Variants in FCHSD2 observed in about 807,000 individuals in gnomAD.
FCHSD2 encodes the protein F-BAR and double SH3 domains protein 2.
In FCHSD2, 38 loss-of-function variants were observed where a neutral mutation model predicts 108.1. That is an observed-to-expected ratio of 0.35 (90% CI 0.27 to 0.46). The LOEUF (loss-of-function observed/expected upper bound fraction) is 0.46, where lower values mean the gene tolerates loss of function less well. Ranked by LOEUF, FCHSD2 falls within the 20% of genes least tolerant of loss-of-function variation. The pLI is 1.00. For missense variants in FCHSD2, 751 were observed against 897.8 expected (o/e 0.84, Z 2.09); for synonymous variants, 279 against 314.7 (o/e 0.89, Z 1.20).
intron 9 of FCHSD2, among the ~76,000 whole-genome samples, chr11:72,918,398 G>C (rs533570910): frequency 9.2e-5 from 14 of 152,082 alleles, no homozygotes; most frequent in African/African-American, 3.4e-4. Flanking sequence ...GAATTGCCCT[G>C]TCTAGGACTT....
intron 3 of FCHSD2, among the ~76,000 whole-genome samples, chr11:73,048,412 T>C (rs1858817811): frequency 6.6e-6 from 1 of 152,244 alleles, no homozygotes; most frequent in Admixed American, 6.5e-5. Context: ...CTTGGTTAGC[T>C]GTGTATGGAC....
chr11:73,097,616 T>C lies in FCHSD2; in HGVS notation c.120-13876A>G, dbSNP rs536870937. 1.9e-3 allele frequency among the ~76,000 whole-genome samples: 242 copies of C among 129,420 alleles called. 2 individuals carry two copies. In the East Asian group the frequency reaches 0.036, roughly 19 times the overall value. The allele number at this position is 129,420 out of a possible 152,430, so 84.9% of individuals were successfully genotyped here. Reference sequence around the variant, plus strand: ...TCCTATTATTTCTTGTGAGGTGTTCTTTTTTTTTTTTTTTTTTCTAATTAC... The same window carrying C: ...TCCTATTATTTCTTGTGAGGTGTTCCTTTTTTTTTTTTTTTTTCTAATTAC... On this transcript the variant is annotated intron_variant, in intron 2 of 19. Transcript: ENST00000409418.
chr11:73,038,528 G>A (rs1230440329), intron 3 of FCHSD2, among the ~76,000 whole-genome samples: 1 of 152,138 alleles, frequency 6.6e-6, no homozygotes, highest in African/African-American at 2.4e-5. Context: ...TGAAAAGAAT[G>A]AAATCTTGTC....
intron 3 of FCHSD2, among the ~76,000 whole-genome samples, chr11:73,017,328 A>C (rs776734498): frequency 2.1e-4 from 32 of 152,346 alleles, no homozygotes; most frequent in Middle Eastern, 3.4e-3. Flanking sequence ...ACACTATAAC[A>C]GGGCCTAATG....
chr11:73,052,904 T>C (rs147593241), intron 3 of FCHSD2, among the ~76,000 whole-genome samples: 1 of 152,164 alleles, frequency 6.6e-6, no homozygotes, highest in South Asian at 2.1e-4. Flanking sequence ...TGGAGAGCAG[T>C]GGTGTGGTGT....
At chr11:72,879,690 C>A (rs547427070) in intron 12 of FCHSD2, among the ~76,000 whole-genome samples, 38 of 152,082 alleles carry the variant, frequency 2.5e-4, no homozygotes, top group African/African-American at 8.4e-4. Context: ...TTAATAGACA[C>A]TAATAATAAC....
intron 3 of FCHSD2, among the ~76,000 whole-genome samples, chr11:73,062,757 G>A (rs1001332502): frequency 4.6e-5 from 7 of 152,112 alleles, no homozygotes; most frequent in East Asian, 1.9e-4. Context: ...TAAAAAGGAC[G>A]AACAAAGCTT....
chr11:72,898,283 C>T (rs961333263), intron 10 of FCHSD2, among the ~76,000 whole-genome samples: 17 of 152,180 alleles, frequency 1.1e-4, no homozygotes, highest in Non-Finnish European at 2.2e-4. Flanking sequence ...AGAAGAGTTA[C>T]ATTTTATCAC....
rs114435156 is a variant in FCHSD2 at position 73,007,856 on chromosome 11, C to T, written c.243-6722G>A. On this transcript the variant is annotated intron_variant, in intron 4 of 19. Transcript: ENST00000409418. ...GTTGTGATATTGTACTACAGTTATG[C>T]AAGATATTACCACTGGGAGAACTGG... 7.9e-3 allele frequency among the ~76,000 whole-genome samples: 1,205 copies of T among 152,244 alleles called. 21 individuals are homozygous for T. The highest frequency in any genetic ancestry group is 0.027 in the African/African-American group (1,130 of 41,524).
Position 72,941,213 on chromosome 11 carries a change from G to A in FCHSD2, c.706-19263C>T, listed in dbSNP as rs181097667. The A allele has an allele frequency of 3.0e-3, 810 of 271,150 alleles. 3 individuals are homozygous for A. Among genetic ancestry groups the A allele is most frequent in the Non-Finnish European group, 4.5e-3 (632 of 141,152 alleles). The allele number at this position is 271,150 out of a possible 1,614,324, so 16.8% of individuals were successfully genotyped here. A position where few individuals can be genotyped will look rare whatever the true frequency, so the allele number is the denominator to read the frequency against. ...ATTTTTATTCTCCTTCAAGGGACCA[G>A]AGGCCACATGAGTCTTGTTCACTAT... On this transcript the variant is annotated intron_variant, in intron 8 of 19. Transcript: ENST00000409418.
chr11:72,853,678 T>A (rs985236231), intron 13 of FCHSD2, among the ~76,000 whole-genome samples: 2 of 152,004 alleles, frequency 1.3e-5, no homozygotes, highest in African/African-American at 4.8e-5. Flanking sequence ...ATGAGTTTTT[T>A]AAATATGATA....
intron 8 of FCHSD2, among the ~76,000 whole-genome samples, chr11:72,953,900 T>G (rs960238916): frequency 6.6e-6 from 1 of 152,126 alleles, no homozygotes. Context: ...TGGTGTGGAA[T>G]AGTAAAAGGC....
chr11:72,972,712 G>A (rs953855354), intron 8 of FCHSD2, among the ~76,000 whole-genome samples: 1 of 152,186 alleles, frequency 6.6e-6, no homozygotes, highest in Non-Finnish European at 1.5e-5. Context: ...ATGTAGCAGG[G>A]AAAGAATCTA....
intron 8 of FCHSD2, among the ~76,000 whole-genome samples, chr11:72,955,271 T>C (rs1856691175): frequency 6.6e-6 from 1 of 152,180 alleles, no homozygotes; most frequent in Non-Finnish European, 1.5e-5. Context: ...AAGGAAACAT[T>C]TTATTTATAC....
At chr11:72,988,520 G>A (rs1404458196) in intron 6 of FCHSD2, among the ~76,000 whole-genome samples, 1 of 152,140 alleles carries the variant, frequency 6.6e-6, no homozygotes, top group Non-Finnish European at 1.5e-5. Context: ...TTTCTACATG[G>A]AGGTCAGTGC....
chr11:72,959,301 C>G (rs1320565341), intron 8 of FCHSD2, among the ~76,000 whole-genome samples: 18 of 127,686 alleles, frequency 1.4e-4, no homozygotes, highest in African/African-American at 5.1e-4. Context: ...CCGATCTCGG[C>G]TCACTGCAAG....
At chr11:72,912,737 C>T (rs1225697920) in intron 9 of FCHSD2, among the ~76,000 whole-genome samples, 1 of 152,154 alleles carries the variant, frequency 6.6e-6, no homozygotes, top group Non-Finnish European at 1.5e-5. Context: ...AATTCAGCAG[C>T]AAAGCCACCC....
chr11:72,915,086 G>A (rs986282582), intron 9 of FCHSD2, among the ~76,000 whole-genome samples: 5 of 146,062 alleles, frequency 3.4e-5, no homozygotes, highest in African/African-American at 1.3e-4. Flanking sequence ...GTGGGCAAAC[G>A]ACATGAACAG....
chr11:72,908,513 C>T (rs1311004719), intron 9 of FCHSD2, among the ~76,000 whole-genome samples: 1 of 152,172 alleles, frequency 6.6e-6, no homozygotes, highest in African/African-American at 2.4e-5. Context: ...TATACAAGGG[C>T]TCCCTTTTCT....
Sources: gnomAD v4.1 joint callset for allele counts (sites outside exome capture counted in the v4.1 genomes callset) on GRCh38, gnomAD v4.1.1 for gene constraint, MANE v1.5 for transcripts, NCBI Gene and HGNC (gene_info 2026-07-23, HGNC 2026-07-21) for gene names.